Variants in OR2L13 observed in about 807,000 individuals in gnomAD.
The protein encoded by OR2L13 is olfactory receptor 2L13.
Under a neutral mutation model 15.3 loss-of-function variants are expected in OR2L13, and 14 were observed. The ratio of observed to expected loss-of-function variants is 0.91; its 90% CI spans 0.60 to 1.43. The LOEUF is 1.43. OR2L13 is among the 40% of genes most tolerant of loss of function. OR2L13 has a pLI of 0.00. For missense variants in OR2L13, 367 were observed against 387.9 expected, an observed-to-expected ratio of 0.95 and a Z score of 0.45; for synonymous variants, 152 against 142.9, an observed-to-expected ratio of 1.06 and a Z score of -0.45.
chr1:248,040,957 ATAATT>A, the OR2L13 span: 3 of 152,198 alleles, frequency 2.0e-5, no homozygotes, highest in African/African-American at 7.2e-5. Context: ...AGAGTACTGA[ATAATT>A]TAAATTTTGA....
At chr1:248,066,771 C>G in the OR2L13 span, among the ~76,000 whole-genome samples, 2 of 152,174 alleles carry the variant, frequency 1.3e-5, no homozygotes, top group African/African-American at 4.8e-5. Flanking sequence ...GTCTTTACCA[C>G]AAGTAGTGTG....
At chr1:248,003,727 T>A in the OR2L13 span, 2 of 1,613,818 alleles carry the variant, frequency 1.2e-6, no homozygotes, top group Admixed American at 3.3e-5. Flanking sequence ...GCACAGTGCT[T>A]TTGAGTGCCA....
the OR2L13 span, among the ~76,000 whole-genome samples, chr1:247,984,980 C>G: frequency 6.6e-6 from 1 of 152,138 alleles, no homozygotes; most frequent in Admixed American, 6.6e-5. Flanking sequence ...TGAATTCATA[C>G]AATATTTGCC....
chr1:248,019,998 G>A, the OR2L13 span, among the ~76,000 whole-genome samples: 2 of 152,070 alleles, frequency 1.3e-5, no homozygotes, highest in African/African-American at 4.8e-5. Context: ...ATTTTGGTTG[G>A]TCTCAATGTT....
At chr1:247,948,379 G>T in the OR2L13 span, among the ~76,000 whole-genome samples, 1 of 152,036 alleles carries the variant, frequency 6.6e-6, no homozygotes, top group African/African-American at 2.4e-5. Context: ...TTTGCGTCAG[G>T]CAGTAAACCA....
At chr1:248,016,810 T>C in the OR2L13 span, among the ~76,000 whole-genome samples, 1 of 152,114 alleles carries the variant, frequency 6.6e-6, no homozygotes, top group Non-Finnish European at 1.5e-5. Flanking sequence ...TTTGTGTAAA[T>C]ATAGGCATAT....
the OR2L13 span, among the ~76,000 whole-genome samples, chr1:248,020,061 G>A: frequency 6.6e-6 from 1 of 152,254 alleles, no homozygotes; most frequent in Admixed American, 6.5e-5. Context: ...GGGATTACAG[G>A]TGTGAACAAA....
the OR2L13 span, chr1:248,038,269 T>C: frequency 2.5e-6 from 4 of 1,599,086 alleles, no homozygotes; most frequent in Non-Finnish European, 2.6e-6. Context: ...GAATTCCCCA[T>C]GGAAAATTAC....
At chr1:248,044,824 A>AC in the OR2L13 span, among the ~76,000 whole-genome samples, 878 of 82,724 alleles carry the variant, frequency 0.011, 87 homozygotes, top group African/African-American at 0.017. Context: ...AAAAAAAAAA[A>AC]AAAAAAAAAA....
chr1:248,043,345 A>C, the OR2L13 span, among the ~76,000 whole-genome samples: 1 of 152,128 alleles, frequency 6.6e-6, no homozygotes, highest in South Asian at 2.1e-4. Context: ...ATGGTAAGTA[A>C]ATTCTGCACT....
At chr1:247,967,539 A>G in the OR2L13 span, among the ~76,000 whole-genome samples, 1 of 152,298 alleles carries the variant, frequency 6.6e-6, no homozygotes, top group East Asian at 1.9e-4. Context: ...TCAGTCATTT[A>G]TTAATACAAA....
chr1:248,065,583 C>A, the OR2L13 span, among the ~76,000 whole-genome samples: 4 of 126,078 alleles, frequency 3.2e-5, no homozygotes, highest in African/African-American at 5.6e-5. Context: ...ATCCCTCCCC[C>A]CTCCCCCCAC....
At chr1:248,094,595 A>G (rs1288827905), upstream of OR2L13, among the ~76,000 whole-genome samples, 1 of 152,220 alleles carries the variant, frequency 6.6e-6, no homozygotes, top group African/African-American at 2.4e-5. Context: ...CTGACTCTAA[A>G]TGCTCATTTT....
At chr1:248,077,754 A>G in the OR2L13 span, among the ~76,000 whole-genome samples, 1 of 152,206 alleles carries the variant, frequency 6.6e-6, no homozygotes, top group African/African-American at 2.4e-5. Flanking sequence ...ATATTTGCCA[A>G]TCACAGCTCT....
the OR2L13 span, among the ~76,000 whole-genome samples, chr1:247,973,216 C>T: frequency 6.6e-6 from 1 of 152,072 alleles, no homozygotes; most frequent in Admixed American, 6.6e-5. Flanking sequence ...AAAACCATAA[C>T]AAGACAAAAA....
the OR2L13 span, chr1:247,990,927 T>C: frequency 2.2e-5 from 32 of 1,475,556 alleles, no homozygotes; most frequent in Non-Finnish European, 2.8e-5. Flanking sequence ...ATGGCCGGAT[T>C]CTCCTTGCTG....
At chr1:248,069,411 G>T in the OR2L13 span, among the ~76,000 whole-genome samples, 4 of 152,136 alleles carry the variant, frequency 2.6e-5, no homozygotes, top group South Asian at 2.1e-4. Context: ...ATGCTTTACA[G>T]ACAAGCAAAT....
the OR2L13 span, among the ~76,000 whole-genome samples, chr1:247,946,207 A>G: frequency 2.6e-5 from 4 of 152,332 alleles, no homozygotes; most frequent in African/African-American, 9.6e-5. Context: ...GTTACATCCT[A>G]TAATTTTCCT....
chr1:248,023,059 G>A, the OR2L13 span: 9 of 564,022 alleles, frequency 1.6e-5, no homozygotes, highest in Non-Finnish European at 2.3e-5. Flanking sequence ...CATCTATTTT[G>A]TTTCTGTTTG....
Sources: gnomAD v4.1 joint callset for allele counts (sites outside exome capture counted in the v4.1 genomes callset) on GRCh38, gnomAD v4.1.1 for gene constraint, MANE v1.5 for transcripts, NCBI Gene and HGNC (gene_info 2026-07-23, HGNC 2026-07-21) for gene names.